CSMD3: variants seen among roughly 807,000 people sequenced by gnomAD.
CSMD3 encodes the protein CUB and sushi domain-containing protein 3.
Under a neutral mutation model 435.2 loss-of-function variants are expected in CSMD3, and 177 were observed. The ratio of observed to expected loss-of-function variants is 0.41; its 90% CI spans 0.36 to 0.46. CSMD3 has a LOEUF of 0.46. Ranked by LOEUF, CSMD3 falls within the 20% of genes least tolerant of loss-of-function variation. The pLI is 0.34. For synonymous variants in CSMD3, 1,656 were observed against 1,520.5 expected (o/e 1.09, Z -2.07); for missense variants, 4,265 against 4,504.6 (o/e 0.95, Z 1.52).
At chr8:112,516,822 G>A (rs1241314431) in intron 28 of CSMD3, among the ~76,000 whole-genome samples, 1 of 152,026 alleles carries the variant, frequency 6.6e-6, no homozygotes, top group Non-Finnish European at 1.5e-5. Context: ...AATCTTAGAA[G>A]CATTGAAAAA....
At chr8:113,323,515 G>A (rs570561982) in intron 1 of CSMD3, among the ~76,000 whole-genome samples, 4 of 152,198 alleles carry the variant, frequency 2.6e-5, no homozygotes, top group East Asian at 1.9e-4. Context: ...ATTAACTGAA[G>A]GACCCTAGCA....
intron 66 of CSMD3, among the ~76,000 whole-genome samples, chr8:112,239,747 C>T (rs1813940652): frequency 1.3e-5 from 2 of 151,960 alleles, no homozygotes; most frequent in Admixed American, 1.3e-4. Flanking sequence ...TTTCATTAAT[C>T]TACTCTCTAT....
chr8:112,921,489 A>G, intron 10 of CSMD3, 138 bp downstream of exon 10: 1 of 777,956 alleles, frequency 1.3e-6, no homozygotes, highest in African/African-American at 1.8e-5. Flanking sequence ...GATTTTCTAT[A>G]AATATCAATA....
chr8:112,516,127 G>A (rs1374555993), intron 28 of CSMD3, among the ~76,000 whole-genome samples: 1 of 151,954 alleles, frequency 6.6e-6, no homozygotes, highest in Non-Finnish European at 1.5e-5. Flanking sequence ...TTATGGGTTA[G>A]GTGTAAGTGA....
intron 32 of CSMD3, among the ~76,000 whole-genome samples, chr8:112,433,494 A>G (rs1813948574): frequency 6.6e-6 from 1 of 151,866 alleles, no homozygotes; most frequent in African/African-American, 2.4e-5. Flanking sequence ...TGTCTCTACC[A>G]AAAGTAAAAT....
intron 6 of CSMD3, among the ~76,000 whole-genome samples, chr8:112,976,736 A>G (rs1203094334): frequency 1.3e-5 from 2 of 152,156 alleles, no homozygotes; most frequent in Admixed American, 6.6e-5. Flanking sequence ...TAAGTACCTT[A>G]GAATTTATCA....
At chr8:112,594,591 C>A (rs1197997074) in intron 22 of CSMD3, among the ~76,000 whole-genome samples, 2 of 152,174 alleles carry the variant, frequency 1.3e-5, no homozygotes, top group South Asian at 4.1e-4. Context: ...ACAGCAGTAA[C>A]CTCTGCAGAC....
At chr8:112,859,046 G>A (rs1033675313) in intron 11 of CSMD3, 99 bp downstream of exon 11, 162 of 1,125,796 alleles carry the variant, frequency 1.4e-4, no homozygotes, top group South Asian at 1.4e-3. Context: ...AATCCTACTT[G>A]AGTTATAAAT....
intron 10 of CSMD3, among the ~76,000 whole-genome samples, chr8:112,888,151 G>A (rs552156057): frequency 4.0e-5 from 6 of 151,738 alleles, no homozygotes; most frequent in Middle Eastern, 3.4e-3. Context: ...TTGAGGTTTA[G>A]GGAAATAATC....
At chr8:112,484,260 G>A (rs1445729437) in intron 31 of CSMD3, among the ~76,000 whole-genome samples, 1 of 152,054 alleles carries the variant, frequency 6.6e-6, no homozygotes, top group Non-Finnish European at 1.5e-5. Flanking sequence ...AATTACAAAT[G>A]TAGGCAACAA....
At chr8:112,641,060 TC>T (rs2131597345) in intron 20 of CSMD3, among the ~76,000 whole-genome samples, 3 of 152,262 alleles carry the variant, frequency 2.0e-5, no homozygotes, top group African/African-American at 7.2e-5. Flanking sequence ...AAAATGGGGT[TC>T]TAATAGAGTT....
At chr8:112,377,230 A>G (rs1172751118) in intron 38 of CSMD3, among the ~76,000 whole-genome samples, 2 of 151,978 alleles carry the variant, frequency 1.3e-5, no homozygotes, top group Non-Finnish European at 2.9e-5. Flanking sequence ...ACAATTACAC[A>G]CCGAAAAATT....
At chr8:113,400,003 A>C (rs372947552) in intron 1 of CSMD3, among the ~76,000 whole-genome samples, 25 of 151,838 alleles carry the variant, frequency 1.6e-4, no homozygotes, top group African/African-American at 5.8e-4. Context: ...TTTAAATAAC[A>C]ACTTATGGGA....
At chr8:113,224,137 C>T (rs1370915122) in intron 3 of CSMD3, among the ~76,000 whole-genome samples, 3 of 151,160 alleles carry the variant, frequency 2.0e-5, no homozygotes, top group Non-Finnish European at 4.5e-5. Context: ...AGGTGCTATT[C>T]GTTTTTGGTT....
At chr8:113,231,802 ATAT>A (rs1801788691) in intron 3 of CSMD3, among the ~76,000 whole-genome samples, 1 of 151,560 alleles carries the variant, frequency 6.6e-6, no homozygotes, top group South Asian at 2.1e-4. Flanking sequence ...AACAGGAGTG[ATAT>A]TAGAACAACT....
chr8:113,099,073 G>C (rs1335081245), intron 4 of CSMD3, 110 bp from the exon 5 acceptor site: 1 of 736,304 alleles, frequency 1.4e-6, no homozygotes, highest in Non-Finnish European at 2.4e-6. Flanking sequence ...GTTCAAATGT[G>C]ATACCAAGTG....
chr8:112,294,009 T>C (rs983840196), intron 54 of CSMD3, among the ~76,000 whole-genome samples: 4 of 152,078 alleles, frequency 2.6e-5, no homozygotes, highest in Non-Finnish European at 5.9e-5. Context: ...TATGCTTGAA[T>C]ATAAATGAAA....
intron 18 of CSMD3, among the ~76,000 whole-genome samples, chr8:112,655,063 A>C (rs1287845381): frequency 1.3e-5 from 2 of 152,164 alleles, no homozygotes; most frequent in Non-Finnish European, 2.9e-5. Flanking sequence ...AAAGCTCAAA[A>C]TAATGGGAAG....
rs1469353556 is a variant in CSMD3, at chr8:112,829,921, A to AAG, written c.1756-133_1756-132insCT. The AAG allele has an allele frequency of 1.1e-5, 4 of 369,188 alleles. No homozygotes were observed. In the Admixed American group the frequency reaches 1.5e-4, roughly 14 times the overall value. The allele number at this position is 369,188 out of a possible 1,614,324, so 22.9% of individuals were successfully genotyped here. A position where few individuals can be genotyped will look rare whatever the true frequency, so the allele number is the denominator to read the frequency against. The stretch of plus-strand genomic sequence containing the variant: ...CACACACACACACACACACACACAC[A>AAG]CACACAAGCAGTTCAATTATGTATA... On this transcript the variant is annotated intron_variant, in intron 11 of 70. Transcript: ENST00000297405.
Sources: gnomAD v4.1 joint callset for allele counts (sites outside exome capture counted in the v4.1 genomes callset) on GRCh38, gnomAD v4.1.1 for gene constraint, MANE v1.5 for transcripts, NCBI Gene and HGNC (gene_info 2026-07-23, HGNC 2026-07-21) for gene names.